Variants in ANKS1B observed in about 807,000 individuals in gnomAD.
The protein encoded by ANKS1B is ankyrin repeat and sterile alpha motif domain containing 1B.
Under a neutral mutation model 148.3 loss-of-function variants are expected in ANKS1B, and 36 were observed. The ratio of observed to expected loss-of-function variants is 0.24; its 90% CI spans 0.19 to 0.32. ANKS1B has a LOEUF of 0.32. Among genes scored for constraint, ANKS1B ranks in the 10% least tolerant of loss-of-function variants. The pLI, the probability that ANKS1B is intolerant of heterozygous loss-of-function variation, is 1.00. For missense variants in ANKS1B, 1,157 were observed against 1,542.6 expected (o/e 0.75, Z 4.19); for synonymous variants, 542 against 560.8 (o/e 0.97, Z 0.47).
intron 9 of ANKS1B, among the ~76,000 whole-genome samples, chr12:98,736,831 G>T (rs1462730290): frequency 6.6e-6 from 1 of 152,204 alleles, no homozygotes; most frequent in South Asian, 2.1e-4. Context: ...TGTAGTCCTT[G>T]ATCAGTCTGC....
intron 4 of ANKS1B, among the ~76,000 whole-genome samples, chr12:99,800,282 A>T (rs1445303522): frequency 6.6e-6 from 1 of 152,020 alleles, no homozygotes; most frequent in East Asian, 1.9e-4. Context: ...GCAGCCATCT[A>T]ACAAGCCAGG....
intron 1 of ANKS1B, among the ~76,000 whole-genome samples, chr12:99,857,972 T>G (rs2089439734): frequency 6.6e-6 from 1 of 152,094 alleles, no homozygotes; most frequent in Admixed American, 6.5e-5. Context: ...AGACATCAGC[T>G]TAGGCAAAGC....
At position 99,475,556 on chromosome 12, in the gene ANKS1B, A is replaced by G. The variant is rs1218170574; in HGVS notation, c.1438+28920T>C. ...GACAATATAAAATATTAAAAGGGCA[A>G]TTCCCCAAAAGTAATATAAACATAA... On this transcript the variant is annotated intron_variant, in intron 10 of 26. Transcript: ENST00000683438. Among the ~76,000 whole-genome samples, 4 of 151,934 alleles carry G rather than the reference A, an allele frequency of 2.6e-5. No homozygotes were observed. The East Asian group carries it at 5.8e-4, about 22-fold the overall frequency.
intron 17 of ANKS1B, among the ~76,000 whole-genome samples, chr12:98,942,099 G>A (rs1475273332): frequency 1.3e-5 from 2 of 151,850 alleles, no homozygotes; most frequent in African/African-American, 4.8e-5. Context: ...AAATTAGCCG[G>A]GCATGGTGGT....
intron 8 of ANKS1B, among the ~76,000 whole-genome samples, chr12:99,665,557 G>T (rs761727682): frequency 1.4e-4 from 21 of 151,776 alleles, no homozygotes; most frequent in Non-Finnish European, 1.9e-4. Context: ...CACCATCTCG[G>T]CTCACTGCAA....
intron 1 of ANKS1B, among the ~76,000 whole-genome samples, chr12:99,884,008 A>T (rs2092692457): frequency 6.6e-6 from 1 of 152,188 alleles, no homozygotes; most frequent in East Asian, 1.9e-4. Context: ...TCATTAAAAA[A>T]AATAAATACA....
chr12:98,960,395 A>T (rs1185318336), intron 17 of ANKS1B, among the ~76,000 whole-genome samples: 1 of 152,172 alleles, frequency 6.6e-6, no homozygotes, highest in Admixed American at 6.5e-5. Flanking sequence ...ACCACCAAGT[A>T]CCTCTAAGAG....
intron 17 of ANKS1B, among the ~76,000 whole-genome samples, chr12:98,988,424 A>G (rs1227653394): frequency 1.3e-5 from 2 of 152,146 alleles, no homozygotes; most frequent in East Asian, 3.8e-4. Context: ...GCTGTTGCAA[A>G]TGACAGGATT....
intron 10 of ANKS1B, among the ~76,000 whole-genome samples, chr12:99,493,936 A>G (rs981830746): frequency 6.6e-6 from 1 of 152,214 alleles, no homozygotes; most frequent in African/African-American, 2.4e-5. Flanking sequence ...GCCGTACTAT[A>G]GATGAGATAA....
chr12:99,499,464 C>T (rs1024832802), intron 10 of ANKS1B, among the ~76,000 whole-genome samples: 8 of 152,162 alleles, frequency 5.3e-5, no homozygotes, highest in Non-Finnish European at 8.8e-5. Context: ...AAAGTGGCTG[C>T]AAGAATATCT....
At chr12:98,874,632 C>T (rs1279481370) in intron 17 of ANKS1B, among the ~76,000 whole-genome samples, 1 of 152,012 alleles carries the variant, frequency 6.6e-6, no homozygotes, top group Non-Finnish European at 1.5e-5. Flanking sequence ...AGAGAGGAAA[C>T]ATGGAGATTT....
At chr12:98,813,113 G>A (rs567293295) in intron 19 of ANKS1B, among the ~76,000 whole-genome samples, 4 of 152,252 alleles carry the variant, frequency 2.6e-5, no homozygotes, top group Non-Finnish European at 4.4e-5. Flanking sequence ...ATGTATTGAA[G>A]TACTGAGTTT....
chr12:98,817,496 G>A (rs749880469), intron 19 of ANKS1B, among the ~76,000 whole-genome samples: 1 of 152,232 alleles, frequency 6.6e-6, no homozygotes, highest in Non-Finnish European at 1.5e-5. Context: ...GAGTTACCCA[G>A]AGGCCGCAGG....
chr12:98,964,866 T>A (rs530425724), intron 17 of ANKS1B, among the ~76,000 whole-genome samples: 1 of 152,090 alleles, frequency 6.6e-6, no homozygotes, highest in Non-Finnish European at 1.5e-5. Context: ...TAAATACGTA[T>A]AAAAATATAG....
chr12:98,953,041 GA>G (rs2099856467), intron 17 of ANKS1B, among the ~76,000 whole-genome samples: 1 of 147,714 alleles, frequency 6.8e-6, no homozygotes, highest in South Asian at 2.2e-4. Context: ...TTTTTTTTGA[GA>G]CAGAATCTCA....
intron 1 of ANKS1B, among the ~76,000 whole-genome samples, chr12:99,885,310 C>CTTTTT (rs369104539): frequency 7.7e-6 from 1 of 129,928 alleles, no homozygotes; most frequent in Non-Finnish European, 1.6e-5. Flanking sequence ...TTCTCATGTC[C>CTTTTT]TTTTTTTTTT....
intron 12 of ANKS1B, among the ~76,000 whole-genome samples, chr12:99,351,463 A>G: frequency 6.6e-6 from 1 of 151,588 alleles, no homozygotes. Context: ...AGTTATGGGA[A>G]TGTTAGTGTT....
intron 15 of ANKS1B, among the ~76,000 whole-genome samples, chr12:99,085,283 G>T (rs1039944155): frequency 6.6e-6 from 1 of 151,684 alleles, no homozygotes; most frequent in African/African-American, 2.4e-5. Flanking sequence ...AGATTCATTC[G>T]TGTGACTTAA....
intron 17 of ANKS1B, among the ~76,000 whole-genome samples, chr12:98,976,114 C>T (rs1429882629): frequency 6.6e-6 from 1 of 152,218 alleles, no homozygotes; most frequent in Non-Finnish European, 1.5e-5. Flanking sequence ...AGACATTTGA[C>T]ATGCTCCATG....
Sources: allele counts gnomAD v4.1 joint callset (sites outside exome capture counted in the v4.1 genomes callset), GRCh38; gene constraint gnomAD v4.1.1; transcripts MANE v1.5; gene names NCBI Gene and HGNC (gene_info 2026-07-23, HGNC 2026-07-21).